The following SERPINI2 variants were observed in gnomAD, a reference collection of about 807,000 sequenced individuals.
SERPINI2 encodes the protein serpin family I member 2.
SERPINI2 carries 48 observed loss-of-function variants against 47.3 expected under a neutral mutation model. The ratio of observed to expected loss-of-function variants is 1.02; its 90% CI spans 0.81 to 1.29. SERPINI2 has a LOEUF of 1.29. Among genes scored for constraint, SERPINI2 ranks in the 50% most tolerant of loss-of-function variants. The pLI, the probability that SERPINI2 is intolerant of heterozygous loss-of-function variation, is 0.00. For missense variants in SERPINI2, 448 were observed against 456.9 expected (o/e 0.98, Z 0.18); for synonymous variants, 135 against 149.3 (o/e 0.90, Z 0.70).
intron 6 of SERPINI2, 65 bp downstream of exon 6, chr3:167,452,871 G>T: frequency 1.1e-6 from 1 of 945,150 alleles, no homozygotes; most frequent in Non-Finnish European, 1.6e-6. Flanking sequence ...TTTAAGCTCA[G>T]CTAGTTAATG....
intron 2 of SERPINI2, among the ~76,000 whole-genome samples, chr3:167,470,755 G>A (rs566092119): frequency 5.9e-5 from 9 of 151,412 alleles, no homozygotes; most frequent in Non-Finnish European, 7.4e-5. Context: ...GCCTGGTCTC[G>A]AACTCCTGAC....
chr3:167,459,321 G>A (rs533454538), intron 5 of SERPINI2, among the ~76,000 whole-genome samples: 22 of 151,920 alleles, frequency 1.4e-4, no homozygotes, highest in African/African-American at 3.6e-4. Context: ...TGATCCGCCC[G>A]CCTCAGCCTC....
exon 2 of SERPINI2, chr3:167,471,714 G>A: frequency 3.7e-6 from 6 of 1,613,496 alleles, no homozygotes; most frequent in Non-Finnish European, 5.1e-6. Context: ...TTGTCCTTAT[G>A]AGATAAGGAA....
At chr3:167,470,167 C>T (rs1288920528) in intron 2 of SERPINI2, among the ~76,000 whole-genome samples, 3 of 152,038 alleles carry the variant, frequency 2.0e-5, no homozygotes, top group East Asian at 3.8e-4. Context: ...GTGGTTTAAA[C>T]GTTTCTGGGA....
chr3:167,475,068 G>C (rs114011970), upstream of SERPINI2, among the ~76,000 whole-genome samples: 683 of 151,594 alleles, frequency 4.5e-3, 1 homozygote, highest in Middle Eastern at 0.021. Context: ...CCTGAGAATA[G>C]ATCATTATAG....
exon 1 of SERPINI2, chr3:167,474,079 C>A (rs1334166376): frequency 9.8e-7 from 1 of 1,022,972 alleles, no homozygotes; most frequent in Admixed American, 5.7e-5. Context: ...TACATAAACA[C>A]CTGAGCGATC....
intron 5 of SERPINI2, among the ~76,000 whole-genome samples, chr3:167,458,245 CTT>C (rs949215365): frequency 7.6e-5 from 8 of 105,200 alleles, no homozygotes; most frequent in African/African-American, 2.3e-4. Flanking sequence ...GAATTTCTTT[CTT>C]TTTTTTTTTT....
chr3:167,471,247 G>A (rs1750308442), intron 2 of SERPINI2, among the ~76,000 whole-genome samples: 1 of 151,942 alleles, frequency 6.6e-6, no homozygotes, highest in African/African-American at 2.4e-5. Flanking sequence ...TATGTGTATA[G>A]ATGTATATTT....
At chr3:167,455,743 A>C (rs143338380) in intron 5 of SERPINI2, among the ~76,000 whole-genome samples, 1 of 152,320 alleles carries the variant, frequency 6.6e-6, no homozygotes, top group African/African-American at 2.4e-5. Flanking sequence ...CCAGGGAGGT[A>C]TCAGGAAACT....
At chr3:167,451,942 A>T (rs1231121317) in intron 6 of SERPINI2, among the ~76,000 whole-genome samples, 1 of 152,216 alleles carries the variant, frequency 6.6e-6, no homozygotes, top group Non-Finnish European at 1.5e-5. Context: ...TTGTCAGAGA[A>T]GTCAGATCTA....
At chr3:167,471,042 G>GT (rs372619096) in intron 2 of SERPINI2, among the ~76,000 whole-genome samples, 32 of 152,022 alleles carry the variant, frequency 2.1e-4, no homozygotes, top group African/African-American at 7.2e-4. Context: ...ACAAATTAAT[G>GT]TTTTTTCTTG....
At chr3:167,467,812 T>C (rs1750182592) in intron 2 of SERPINI2, among the ~76,000 whole-genome samples, 1 of 152,154 alleles carries the variant, frequency 6.6e-6, no homozygotes, top group Admixed American at 6.5e-5. Flanking sequence ...TAATCATCTC[T>C]AGAGATGCGT....
chr3:167,448,715 G>A (rs1577167703), intron 7 of SERPINI2, among the ~76,000 whole-genome samples: 1 of 152,154 alleles, frequency 6.6e-6, no homozygotes, highest in Middle Eastern at 3.4e-3. Context: ...GTAGAGACGG[G>A]GTTTCACCGT....
chr3:167,446,440 A>ACAG (rs1749481564), exon 8 of SERPINI2: 20 of 1,610,588 alleles, frequency 1.2e-5, no homozygotes, highest in Non-Finnish European at 1.7e-5. Flanking sequence ...TTTGCTATAA[A>ACAG]TTGGCTTTGA....
chr3:167,475,732 G>T (rs1750464161), upstream of SERPINI2, among the ~76,000 whole-genome samples: 5 of 148,428 alleles, frequency 3.4e-5, no homozygotes, highest in African/African-American at 9.8e-5. Context: ...TCGGGGTGGG[G>T]GGAGAATTAT....
chr3:167,473,837 G>T, intron 1 of SERPINI2, 166 bp downstream of exon 1: 2 of 1,356,010 alleles, frequency 1.5e-6, no homozygotes, highest in South Asian at 3.6e-5. Flanking sequence ...TCTGATTTGT[G>T]GTGAAATCAT....
intron 5 of SERPINI2, among the ~76,000 whole-genome samples, chr3:167,464,829 G>A (rs1264290989): frequency 6.6e-6 from 1 of 152,016 alleles, no homozygotes; most frequent in Non-Finnish European, 1.5e-5. Context: ...TTTCAATTGT[G>A]TAAAACATAC....
chr3:167,476,261 C>T (rs1461814639), upstream of SERPINI2, among the ~76,000 whole-genome samples: 1 of 151,788 alleles, frequency 6.6e-6, no homozygotes, highest in Admixed American at 6.6e-5. Flanking sequence ...AGGTGAGATC[C>T]TGCTACCTGC....
Position 167,454,990 on chromosome 3 carries a change from A to C in SERPINI2, c.867-1957T>G, listed in dbSNP as rs142331956. Reference sequence around the variant, plus strand: ...AGAGGTATGATTTAAACTCAGGTCTATTTGAAGTCAAAGCTAATGTGCTAA... The same window carrying C: ...AGAGGTATGATTTAAACTCAGGTCTCTTTGAAGTCAAAGCTAATGTGCTAA... On this transcript the variant is annotated intron_variant, in intron 5 of 8. Coordinates refer to ENST00000264677, the Ensembl canonical transcript of SERPINI2. Among the ~76,000 whole-genome samples, 6 of 152,354 alleles carry C rather than the reference A, an allele frequency of 3.9e-5. No individual in the cohort carries two copies. The East Asian group carries it at 1.2e-3, about 29-fold the overall frequency.
Sources: gnomAD v4.1 joint callset for allele counts (sites outside exome capture counted in the v4.1 genomes callset) on GRCh38, gnomAD v4.1.1 for gene constraint, MANE v1.5 for transcripts, NCBI Gene and HGNC (gene_info 2026-07-23, HGNC 2026-07-21) for gene names.